Variants in PRKG1 observed in about 807,000 individuals in gnomAD.
PRKG1 encodes the protein protein kinase cGMP-dependent 1, also known as cGMP-dependent protein kinase 1.
Under a neutral mutation model 88.1 loss-of-function variants are expected in PRKG1, and 35 were observed. The ratio of observed to expected loss-of-function variants is 0.40; its 90% CI spans 0.30 to 0.53. The LOEUF (loss-of-function observed/expected upper bound fraction) is 0.53, where lower values mean the gene tolerates loss of function less well. PRKG1 is among the 20% of genes least tolerant of loss of function. The pLI is 0.59. For synonymous variants in PRKG1, 303 were observed against 292.5 expected (o/e 1.04, Z -0.37); for missense variants, 540 against 839.8 (o/e 0.64, Z 4.41).
intron 2 of PRKG1, among the ~76,000 whole-genome samples, chr10:51,182,439 C>G (rs550621714): frequency 1.3e-5 from 2 of 152,304 alleles, no homozygotes; most frequent in South Asian, 4.1e-4. Flanking sequence ...TTTACTGTAG[C>G]CACTTCCCTT....
intron 2 of PRKG1, among the ~76,000 whole-genome samples, chr10:51,380,845 T>C: frequency 6.6e-6 from 1 of 152,064 alleles, no homozygotes; most frequent in East Asian, 1.9e-4. Flanking sequence ...TTAGGCGACG[T>C]CCAGGAAGAT....
chr10:51,057,233 A>C (rs1426009497), intron 1 of PRKG1, among the ~76,000 whole-genome samples: 1 of 152,188 alleles, frequency 6.6e-6, no homozygotes, highest in African/African-American at 2.4e-5. Context: ...TGAGGTCAGG[A>C]TATATATCTA....
chr10:51,442,007 T>C (rs922549654), intron 2 of PRKG1, among the ~76,000 whole-genome samples: 40 of 151,990 alleles, frequency 2.6e-4, no homozygotes, highest in Admixed American at 2.6e-3. Flanking sequence ...CTTCCAAGTT[T>C]AAGTTATCCG....
chr10:51,186,956 ATATATATATATATATATATATATATATG>A (rs1837504874), intron 2 of PRKG1, among the ~76,000 whole-genome samples: 1 of 77,740 alleles, frequency 1.3e-5, no homozygotes, highest in South Asian at 4.3e-4. Context: ...GCCCTGTGTT[ATATATATATATATATATATATATATATG>A]TATATATATA....
At chr10:51,777,789 C>A (rs1838479115) in intron 3 of PRKG1, among the ~76,000 whole-genome samples, 1 of 152,100 alleles carries the variant, frequency 6.6e-6, no homozygotes. Context: ...CAACCTCAAC[C>A]CTTGATTTTT....
chr10:51,385,557 T>G (rs963767156), intron 2 of PRKG1, among the ~76,000 whole-genome samples: 1 of 152,156 alleles, frequency 6.6e-6, no homozygotes, highest in Admixed American at 6.5e-5. Flanking sequence ...AGGGCACATG[T>G]GAATATGCTT....
intron 7 of PRKG1, among the ~76,000 whole-genome samples, chr10:52,089,111 G>T (rs1264383429): frequency 1.3e-5 from 2 of 152,142 alleles, no homozygotes; most frequent in Non-Finnish European, 2.9e-5. Flanking sequence ...ATGAAATTAT[G>T]TTAAATATCT....
At position 52,296,161 on chromosome 10, in the gene PRKG1, A is replaced by G. The variant is rs561557069; in HGVS notation, c.*2261A>G. The G allele has an allele frequency of 6.6e-6, 1 of 152,168 alleles. No homozygotes were observed. The highest frequency in any genetic ancestry group is 1.5e-5 in the Non-Finnish European group (1 of 67,914). The allele number at this position is 152,168 out of a possible 1,614,324, so 9.4% of individuals were successfully genotyped here. ...GCTAGAATACTAAATTTACCTTGTT[A>G]TTTGGAAAGAGAATCTGCTCCTATA... On this transcript the variant is annotated 3_prime_UTR_variant, in exon 18 of 18. Coordinates refer to ENST00000373980, the MANE Select transcript of PRKG1 (RefSeq NM_006258.4).
At chr10:51,888,883 C>T (rs150863039) in intron 4 of PRKG1, among the ~76,000 whole-genome samples, 1 of 152,220 alleles carries the variant, frequency 6.6e-6, no homozygotes, top group Non-Finnish European at 1.5e-5. Context: ...ATCTCTATGT[C>T]ACTGACAAGA....
intron 17 of PRKG1, 70 bp from the exon 18 acceptor site, chr10:52,293,732 C>A: frequency 1.6e-6 from 2 of 1,215,246 alleles, no homozygotes; most frequent in Admixed American, 1.7e-5. Flanking sequence ...ATACAGAATG[C>A]ACTTAAAAAT....
At chr10:51,651,849 T>C (rs1840047167) in intron 3 of PRKG1, among the ~76,000 whole-genome samples, 1 of 152,172 alleles carries the variant, frequency 6.6e-6, no homozygotes, top group African/African-American at 2.4e-5. Context: ...CCCAAAGTGC[T>C]GGGATTACAG....
chr10:51,907,478 G>A (rs1842111146), intron 4 of PRKG1, 29 bp from the exon 5 acceptor site: 3 of 1,582,932 alleles, frequency 1.9e-6, no homozygotes, highest in Non-Finnish European at 2.6e-6. Context: ...TGGTTCATGT[G>A]TTCAGCACTA....
intron 3 of PRKG1, among the ~76,000 whole-genome samples, chr10:51,622,706 C>G (rs1352282021): frequency 2.6e-5 from 4 of 152,168 alleles, no homozygotes; most frequent in Non-Finnish European, 4.4e-5. Flanking sequence ...TCCCCAGACA[C>G]TTATAAACAG....
chr10:51,021,084 C>A (rs1395109499), intron 1 of PRKG1, among the ~76,000 whole-genome samples: 3 of 151,898 alleles, frequency 2.0e-5, no homozygotes, highest in Non-Finnish European at 4.4e-5. Context: ...AGTGAAGATC[C>A]CCATAAAAAT....
At chr10:51,585,618 G>A (rs1221510802) in intron 3 of PRKG1, among the ~76,000 whole-genome samples, 5 of 152,154 alleles carry the variant, frequency 3.3e-5, no homozygotes, top group African/African-American at 1.2e-4. Context: ...CTGTTACTGG[G>A]TATATATCCA....
At chr10:52,109,548 C>T (rs953182565) in intron 7 of PRKG1, among the ~76,000 whole-genome samples, 6 of 152,100 alleles carry the variant, frequency 3.9e-5, no homozygotes, top group Middle Eastern at 3.2e-3. Flanking sequence ...GGGCAGATCA[C>T]CTGAGGTCAG....
intron 4 of PRKG1, among the ~76,000 whole-genome samples, chr10:51,889,019 G>A (rs1332759805): frequency 6.7e-6 from 1 of 150,320 alleles, no homozygotes; most frequent in African/African-American, 2.5e-5. Flanking sequence ...TTCCCATCCT[G>A]ACAGAGAGAG....
intron 2 of PRKG1, among the ~76,000 whole-genome samples, chr10:51,389,446 A>G (rs2132644176): frequency 6.6e-6 from 1 of 152,286 alleles, no homozygotes; most frequent in Admixed American, 6.5e-5. Flanking sequence ...AGAATTACTT[A>G]ACTAAATTTC....
intron 7 of PRKG1, among the ~76,000 whole-genome samples, chr10:52,102,895 G>A (rs1010008183): frequency 6.6e-6 from 1 of 152,136 alleles, no homozygotes; most frequent in Non-Finnish European, 1.5e-5. Flanking sequence ...GTACCATATA[G>A]CTGGGGTCCC....
Sources: allele counts gnomAD v4.1 joint callset (sites outside exome capture counted in the v4.1 genomes callset), GRCh38; gene constraint gnomAD v4.1.1; transcripts MANE v1.5; gene names NCBI Gene and HGNC (gene_info 2026-07-23, HGNC 2026-07-21).